ARHGAP26: variants seen among roughly 807,000 people sequenced by gnomAD.
ARHGAP26 encodes Rho GTPase activating protein 26, also known as rho GTPase-activating protein 26.
In ARHGAP26, 38 loss-of-function variants were observed where a neutral mutation model predicts 104.8. The ratio of observed to expected loss-of-function variants is 0.36; its 90% CI spans 0.28 to 0.48. ARHGAP26 has a LOEUF of 0.48. Among genes scored for constraint, ARHGAP26 ranks in the 20% least tolerant of loss-of-function variants. The pLI is 0.99. For synonymous variants in ARHGAP26, 341 were observed against 340.0 expected, an observed-to-expected ratio of 1.00 and a Z score of -0.03; for missense variants, 704 against 947.9, an observed-to-expected ratio of 0.74 and a Z score of 3.38.
chr5:142,834,735 A>G (rs2152130828), intron 1 of ARHGAP26, among the ~76,000 whole-genome samples: 1 of 152,382 alleles, frequency 6.6e-6, no homozygotes, highest in East Asian at 1.9e-4. Context: ...TGGAATTTGC[A>G]TGGCCTCACT....
intron 20 of ARHGAP26, among the ~76,000 whole-genome samples, chr5:143,189,656 G>A (rs1417293559): frequency 6.6e-6 from 1 of 152,080 alleles, no homozygotes; most frequent in Non-Finnish European, 1.5e-5. Context: ...ATTATAAAGT[G>A]TATACCTGCC....
intron 20 of ARHGAP26, among the ~76,000 whole-genome samples, chr5:143,198,718 A>G (rs146871851): frequency 6.6e-6 from 1 of 152,322 alleles, no homozygotes; most frequent in African/African-American, 2.4e-5. Context: ...AAAATCTTGA[A>G]TTTTGTTTAA....
intron 20 of ARHGAP26, among the ~76,000 whole-genome samples, chr5:143,200,909 C>T (rs1807619668): frequency 6.6e-6 from 1 of 152,220 alleles, no homozygotes; most frequent in African/African-American, 2.4e-5. Flanking sequence ...GGCAGGCATG[C>T]CCTGGCTGGT....
chr5:142,890,150 AAATATATATAT>A (rs1377495835), intron 5 of ARHGAP26, among the ~76,000 whole-genome samples: 2 of 70,960 alleles, frequency 2.8e-5, no homozygotes, highest in East Asian at 6.0e-4. Flanking sequence ...AAAAAAAAAA[AAATATATATAT>A]ATATATATAT....
intron 11 of ARHGAP26, among the ~76,000 whole-genome samples, chr5:142,937,973 A>G (rs1438401444): frequency 6.6e-6 from 1 of 152,050 alleles, no homozygotes; most frequent in East Asian, 1.9e-4. Flanking sequence ...GGTTAGTTAT[A>G]TGAAACCATA....
At chr5:142,867,557 C>T (rs1754538410) in intron 1 of ARHGAP26, among the ~76,000 whole-genome samples, 1 of 152,164 alleles carries the variant, frequency 6.6e-6, no homozygotes, top group South Asian at 2.1e-4. Context: ...AGAGCGATCT[C>T]TGGGGACTCT....
chr5:142,989,190 A>G (rs1371363400), intron 11 of ARHGAP26, among the ~76,000 whole-genome samples: 1 of 152,146 alleles, frequency 6.6e-6, no homozygotes, highest in Non-Finnish European at 1.5e-5. Context: ...TTGGGTGCAT[A>G]TATATTTAGG....
chr5:143,074,226 G>T (rs1252008786), intron 17 of ARHGAP26, among the ~76,000 whole-genome samples: 1 of 151,996 alleles, frequency 6.6e-6, no homozygotes, highest in Non-Finnish European at 1.5e-5. Context: ...TAAAATAAAA[G>T]AAAAATAATA....
chr5:143,118,301 G>A (rs1795734857), intron 17 of ARHGAP26, among the ~76,000 whole-genome samples: 1 of 152,226 alleles, frequency 6.6e-6, no homozygotes, highest in Admixed American at 6.5e-5. Flanking sequence ...ACATTCACAT[G>A]AAGTAGGTAT....
intron 18 of ARHGAP26, among the ~76,000 whole-genome samples, chr5:143,131,325 G>C (rs1202288061): frequency 2.0e-5 from 3 of 152,150 alleles, no homozygotes; most frequent in Admixed American, 6.6e-5. Flanking sequence ...TTTGTTGACA[G>C]TTGAAATTGA....
chr5:142,988,867 C>A (rs998979023), intron 11 of ARHGAP26, among the ~76,000 whole-genome samples: 17 of 152,146 alleles, frequency 1.1e-4, no homozygotes, highest in African/African-American at 3.4e-4. Flanking sequence ...AGTTTGTTAT[C>A]ATTTCTGTTC....
intron 1 of ARHGAP26, among the ~76,000 whole-genome samples, chr5:142,783,576 C>T (rs1757948165): frequency 6.6e-6 from 1 of 152,162 alleles, no homozygotes; most frequent in African/African-American, 2.4e-5. Flanking sequence ...AGGAGAGAGA[C>T]TGGGTGATGG....
intron 1 of ARHGAP26, among the ~76,000 whole-genome samples, chr5:142,779,564 C>T (rs1346498078): frequency 1.3e-5 from 2 of 152,216 alleles, no homozygotes; most frequent in South Asian, 4.1e-4. Context: ...TGCTGCCACA[C>T]AGCAAAAGCT....
chr5:143,114,636 A>T (rs1795191226), intron 17 of ARHGAP26, among the ~76,000 whole-genome samples: 1 of 152,066 alleles, frequency 6.6e-6, no homozygotes, highest in Non-Finnish European at 1.5e-5. Context: ...CAGCTTAGTT[A>T]CCCACCCACT....
rs140551119 is a variant in ARHGAP26, at chr5:143,017,531, A to G, written c.1144+3415A>G. On this transcript the variant is annotated intron_variant, in intron 12 of 22. Coordinates refer to ENST00000645722, the MANE Select transcript of ARHGAP26 (RefSeq NM_001135608.3). ...TTCATTCATTCTTTCGTTTCATTTT[A>G]TTTATTCATCCATTCCCTTTTAGTT... Among the ~76,000 whole-genome samples the G allele has an allele frequency of 1.5e-4, 23 of 152,174 alleles. No individual in the cohort carries two copies. The East Asian group carries it at 3.7e-3, about 24-fold the overall frequency.
intron 14 of ARHGAP26, among the ~76,000 whole-genome samples, chr5:143,042,224 T>C (rs893083480): frequency 2.6e-5 from 4 of 152,130 alleles, no homozygotes; most frequent in African/African-American, 9.7e-5. Context: ...CTCCCTCCGT[T>C]CTCTTTTGGG....
chr5:142,894,670 A>G (rs561848358), intron 6 of ARHGAP26, among the ~76,000 whole-genome samples: 71 of 152,286 alleles, frequency 4.7e-4, no homozygotes, highest in Admixed American at 1.8e-3. Context: ...CTTGCCATGA[A>G]ATAGTGATTA....
intron 1 of ARHGAP26, among the ~76,000 whole-genome samples, chr5:142,779,084 A>G (rs1339207401): frequency 6.6e-6 from 1 of 152,152 alleles, no homozygotes; most frequent in African/African-American, 2.4e-5. Context: ...GGGAGATGGG[A>G]TGGGGCTTTG....
chr5:143,163,220 G>A (rs370961078), intron 20 of ARHGAP26, among the ~76,000 whole-genome samples: 69 of 152,292 alleles, frequency 4.5e-4, no homozygotes, highest in African/African-American at 1.6e-3. Flanking sequence ...GTATGTGGGG[G>A]AGCATTGCTG....
Sources: gnomAD v4.1 joint callset for allele counts (sites outside exome capture counted in the v4.1 genomes callset) on GRCh38, gnomAD v4.1.1 for gene constraint, MANE v1.5 for transcripts, NCBI Gene and HGNC (gene_info 2026-07-23, HGNC 2026-07-21) for gene names.